Variants in RAPGEF5 observed in about 807,000 individuals in gnomAD.
RAPGEF5 encodes the protein Rap guanine nucleotide exchange factor 5.
Under a neutral mutation model 125.2 loss-of-function variants are expected in RAPGEF5, and 65 were observed. That is an observed-to-expected ratio of 0.52 (90% CI 0.43 to 0.64). The LOEUF is 0.64. RAPGEF5 is among the 30% of genes least tolerant of loss of function. The probability of loss-of-function intolerance (pLI) is 0.00; values close to 1 mark genes in which losing one functional copy is unlikely to be tolerated. For missense variants in RAPGEF5, 958 were observed against 1,048.1 expected (o/e 0.91, Z 1.19); for synonymous variants, 391 against 385.9 (o/e 1.01, Z -0.16).
intron 7 of RAPGEF5, among the ~76,000 whole-genome samples, chr7:22,247,578 GCCTCCCCATTCATGTGGAACTGTGAGT>G (rs1309185628): frequency 5.9e-5 from 9 of 152,102 alleles, no homozygotes; most frequent in South Asian, 4.2e-4. Context: ...TGATTGTGAG[GCCTCCCCATTCATGTGGAACTGTGAGT>G]CCTCCCCATT....
intron 5 of RAPGEF5, among the ~76,000 whole-genome samples, chr7:22,291,495 C>T (rs530321222): frequency 6.6e-6 from 1 of 152,196 alleles, no homozygotes; most frequent in South Asian, 2.1e-4. Flanking sequence ...TATTACTCAC[C>T]CCATGATACA....
chr7:22,283,433 T>C (rs997895569), intron 6 of RAPGEF5, among the ~76,000 whole-genome samples: 1 of 152,210 alleles, frequency 6.6e-6, no homozygotes, highest in Non-Finnish European at 1.5e-5. Flanking sequence ...ATATGCCTCC[T>C]GGTTCTCCTC....
intron 1 of RAPGEF5, among the ~76,000 whole-genome samples, chr7:22,348,424 C>G (rs1052075004): frequency 1.3e-5 from 2 of 152,210 alleles, no homozygotes; most frequent in African/African-American, 4.8e-5. Context: ...AAATATCAAG[C>G]ATGTTACCAT....
chr7:22,186,843 G>A (rs1398783037), intron 11 of RAPGEF5, among the ~76,000 whole-genome samples: 2 of 152,168 alleles, frequency 1.3e-5, no homozygotes, highest in Non-Finnish European at 2.9e-5. Flanking sequence ...CTTTTCTCCT[G>A]CAACACTATT....
intron 11 of RAPGEF5, among the ~76,000 whole-genome samples, chr7:22,182,743 C>A (rs966873302): frequency 2.0e-5 from 3 of 152,072 alleles, no homozygotes; most frequent in African/African-American, 7.2e-5. Context: ...TATATGTAGC[C>A]TTCTTCTTTA....
At chr7:22,349,577 T>C (rs1251078506) in intron 1 of RAPGEF5, among the ~76,000 whole-genome samples, 2 of 152,182 alleles carry the variant, frequency 1.3e-5, no homozygotes, top group Non-Finnish European at 2.9e-5. Flanking sequence ...ATTATATTAA[T>C]GTATCAAATT....
At chr7:22,125,065 C>T (rs536261310) in intron 25 of RAPGEF5, among the ~76,000 whole-genome samples, 29 of 152,270 alleles carry the variant, frequency 1.9e-4, no homozygotes, top group Admixed American at 1.9e-3. Context: ...TTCCTACATA[C>T]ATTAGTCTCA....
intron 1 of RAPGEF5, among the ~76,000 whole-genome samples, chr7:22,347,336 T>C (rs901689968): frequency 2.0e-5 from 3 of 152,220 alleles, no homozygotes; most frequent in Non-Finnish European, 2.9e-5. Context: ...ATTGTTTGTA[T>C]ACCCCATGTT....
At chr7:22,195,365 A>C (rs1467323439) in intron 9 of RAPGEF5, among the ~76,000 whole-genome samples, 1 of 152,248 alleles carries the variant, frequency 6.6e-6, no homozygotes, top group African/African-American at 2.4e-5. Context: ...GATTCCTAAG[A>C]AAATGCAATA....
At chr7:22,136,242 A>C in intron 22 of RAPGEF5, 117 bp from the exon 23 acceptor site, 1 of 696,378 alleles carries the variant, frequency 1.4e-6, no homozygotes, top group Non-Finnish European at 2.3e-6. Context: ...GATTCCTCCT[A>C]AGAACAAAGT....
chr7:22,353,346 A>G (rs1227217469), intron 1 of RAPGEF5, among the ~76,000 whole-genome samples: 1 of 152,244 alleles, frequency 6.6e-6, no homozygotes, highest in Non-Finnish European at 1.5e-5. Flanking sequence ...CAACTTTGAG[A>G]AAATTTGAAT....
chr7:22,325,105 C>T (rs555530696), intron 1 of RAPGEF5, among the ~76,000 whole-genome samples: 36 of 152,318 alleles, frequency 2.4e-4, no homozygotes, highest in Admixed American at 1.3e-4. Flanking sequence ...TCAATCCACA[C>T]AAACGCTGCA....
intron 1 of RAPGEF5, chr7:22,356,277 T>A (rs898267117): frequency 1.0e-6 from 1 of 983,642 alleles, no homozygotes; most frequent in Non-Finnish European, 1.2e-6. Flanking sequence ...TCCAGGAGTA[T>A]TAAGTGCTGG....
rs541492479 is a variant in RAPGEF5 at position 22,282,500 on chromosome 7, T to C, written c.747+8675A>G. 8.5e-5 allele frequency among the ~76,000 whole-genome samples: 13 copies of C among 152,314 alleles called. No homozygotes were observed. The South Asian group carries it at 2.1e-3, about 24-fold the overall frequency. ...CCTGTTAAAATCTATTCAGTAAATATAAAATGTTTTAAGTGATGATAATGT... is the reference window on the plus strand; with the variant it reads ...CCTGTTAAAATCTATTCAGTAAATACAAAATGTTTTAAGTGATGATAATGT... On this transcript the variant is annotated intron_variant, in intron 6 of 25. Transcript: ENST00000665637.
intron 1 of RAPGEF5, among the ~76,000 whole-genome samples, chr7:22,336,524 T>A (rs1025418643): frequency 6.6e-6 from 1 of 152,090 alleles, no homozygotes; most frequent in East Asian, 1.9e-4. Flanking sequence ...GAATAAGGCA[T>A]GGAGAGGAGG....
rs139351402 is a variant in RAPGEF5 at position 22,300,780 on chromosome 7, C to A, written c.680+7559G>T. On this transcript the variant is annotated intron_variant, in intron 5 of 25. Coordinates refer to ENST00000665637, the MANE Select transcript of RAPGEF5 (RefSeq NM_012294.5). ...CCTTGTCTATCATCTGCCTGCACTG[C>A]CACCACCACAGAGCTCTGAACCTGG... Among the ~76,000 whole-genome samples, 310 of 152,302 alleles carry A rather than the reference C, an allele frequency of 2.0e-3. 2 individuals are homozygous for A. Among genetic ancestry groups the A allele is most frequent in the African/African-American group, 7.3e-3 (304 of 41,572 alleles).
At chr7:22,136,556 T>C (rs966972978) in intron 22 of RAPGEF5, among the ~76,000 whole-genome samples, 1 of 151,908 alleles carries the variant, frequency 6.6e-6, no homozygotes, top group Non-Finnish European at 1.5e-5. Context: ...AAAGAAACTA[T>C]AATTTTTAAA....
intron 1 of RAPGEF5, among the ~76,000 whole-genome samples, chr7:22,338,462 T>G (rs1336397455): frequency 6.6e-6 from 1 of 152,232 alleles, no homozygotes; most frequent in Non-Finnish European, 1.5e-5. Context: ...TTTATAAAAC[T>G]AAACCATAAT....
At chr7:22,331,303 T>C (rs1016861011) in intron 1 of RAPGEF5, among the ~76,000 whole-genome samples, 5 of 152,318 alleles carry the variant, frequency 3.3e-5, no homozygotes, top group African/African-American at 1.2e-4. Context: ...AGATGGAACA[T>C]AAAATGGAAT....
Sources: allele counts gnomAD v4.1 joint callset (sites outside exome capture counted in the v4.1 genomes callset), GRCh38; gene constraint gnomAD v4.1.1; transcripts MANE v1.5; gene names NCBI Gene and HGNC (gene_info 2026-07-23, HGNC 2026-07-21).